The following QTMAN variants were observed in gnomAD, a reference collection of about 807,000 sequenced individuals.
QTMAN encodes queuosine-tRNA mannosyltransferase.
the QTMAN span, among the ~76,000 whole-genome samples, chr2:144,018,529 T>C: frequency 5.1e-4 from 77 of 152,308 alleles, no homozygotes; most frequent in African/African-American, 1.5e-3. Flanking sequence ...TCTACTTACT[T>C]CAGCTTTTCT....
At chr2:144,007,414 A>G in the QTMAN span, 5 of 1,613,244 alleles carry the variant, frequency 3.1e-6, no homozygotes, top group Admixed American at 5.0e-5. Flanking sequence ...AAATTCTTCA[A>G]TAAATCCTCT....
the QTMAN span, among the ~76,000 whole-genome samples, chr2:144,059,086 C>T: frequency 6.6e-6 from 1 of 152,230 alleles, no homozygotes; most frequent in Admixed American, 6.5e-5. Context: ...GTGCAGCAAG[C>T]ATAGCCCTCA....
At chr2:144,251,758 C>G in the QTMAN span, among the ~76,000 whole-genome samples, 3 of 152,180 alleles carry the variant, frequency 2.0e-5, no homozygotes, top group Admixed American at 6.5e-5. Flanking sequence ...AACTTCTGCT[C>G]TGTGAAAGAC....
the QTMAN span, among the ~76,000 whole-genome samples, chr2:144,313,958 A>T: frequency 6.6e-6 from 1 of 151,934 alleles, no homozygotes; most frequent in Non-Finnish European, 1.5e-5. Flanking sequence ...GGGTATAACC[A>T]TTTAGGAAAA....
the QTMAN span, among the ~76,000 whole-genome samples, chr2:144,035,385 T>C: frequency 1.7e-3 from 265 of 152,302 alleles, 1 homozygote; most frequent in Non-Finnish European, 3.1e-3. Context: ...AGAGCAACCT[T>C]CAACAGAAAT....
chr2:144,149,030 T>C, the QTMAN span, among the ~76,000 whole-genome samples: 1 of 151,902 alleles, frequency 6.6e-6, no homozygotes, highest in Admixed American at 6.6e-5. Flanking sequence ...GTAATGAATA[T>C]GCCCACAAAA....
the QTMAN span, among the ~76,000 whole-genome samples, chr2:144,111,937 C>T: frequency 9.9e-5 from 15 of 152,282 alleles, no homozygotes; most frequent in South Asian, 2.9e-3. Context: ...ATATTCATCA[C>T]TAAGGAGTGA....
chr2:144,031,421 G>C, the QTMAN span, among the ~76,000 whole-genome samples: 1 of 152,058 alleles, frequency 6.6e-6, no homozygotes, highest in Non-Finnish European at 1.5e-5. Flanking sequence ...ACTCGAACAA[G>C]AAAAAGTACA....
At chr2:144,260,071 T>C in the QTMAN span, among the ~76,000 whole-genome samples, 1 of 152,298 alleles carries the variant, frequency 6.6e-6, no homozygotes, top group South Asian at 2.1e-4. Context: ...ACTGATGAGA[T>C]AATATGTAGT....
chr2:143,988,279 T>C, the QTMAN span, among the ~76,000 whole-genome samples: 1 of 152,172 alleles, frequency 6.6e-6, no homozygotes, highest in Non-Finnish European at 1.5e-5. Context: ...GTCCCTGCAG[T>C]GCACACTGGC....
chr2:144,129,806 T>G, the QTMAN span, among the ~76,000 whole-genome samples: 6 of 151,994 alleles, frequency 3.9e-5, no homozygotes, highest in Non-Finnish European at 5.9e-5. Flanking sequence ...TGTTTTAAAG[T>G]ACCACATTTA....
At chr2:144,165,604 C>A in the QTMAN span, among the ~76,000 whole-genome samples, 1 of 152,140 alleles carries the variant, frequency 6.6e-6, no homozygotes, top group African/African-American at 2.4e-5. Flanking sequence ...TCTCACCCAA[C>A]CTTCAGACAT....
chr2:144,261,008 C>A, the QTMAN span, among the ~76,000 whole-genome samples: 1 of 152,074 alleles, frequency 6.6e-6, no homozygotes, highest in East Asian at 1.9e-4. Context: ...GAAAAAGGAA[C>A]CATACTTCCC....
chr2:144,191,228 A>C, the QTMAN span, among the ~76,000 whole-genome samples: 1 of 152,236 alleles, frequency 6.6e-6, no homozygotes, highest in African/African-American at 2.4e-5. Flanking sequence ...CTTGAAAAAG[A>C]ATCCAAACGA....
chr2:144,138,572 G>A, the QTMAN span, among the ~76,000 whole-genome samples: 1 of 152,154 alleles, frequency 6.6e-6, no homozygotes, highest in Admixed American at 6.6e-5. Context: ...TGAGTATGTG[G>A]GATGGATGAG....
chr2:143,993,401 A>T, the QTMAN span, among the ~76,000 whole-genome samples: 3 of 151,884 alleles, frequency 2.0e-5, no homozygotes, highest in South Asian at 2.1e-4. Flanking sequence ...ATTACATGGC[A>T]AGCAAAAAAA....
the QTMAN span, among the ~76,000 whole-genome samples, chr2:144,074,674 A>G: frequency 6.6e-6 from 1 of 152,352 alleles, no homozygotes; most frequent in South Asian, 2.1e-4. Flanking sequence ...CTAAGGCCGT[A>G]AAAGGTTAAA....
chr2:144,038,824 TTTAAG>T, the QTMAN span, among the ~76,000 whole-genome samples: 4 of 152,184 alleles, frequency 2.6e-5, no homozygotes, highest in African/African-American at 4.8e-5. Context: ...GCATGTGGAT[TTTAAG>T]TTATTTTATG....
chr2:144,107,146 A>G, the QTMAN span, among the ~76,000 whole-genome samples: 1 of 152,242 alleles, frequency 6.6e-6, no homozygotes, highest in East Asian at 1.9e-4. Context: ...TGCCCACAAG[A>G]GAAAGCAGGA....
Sources: allele counts gnomAD v4.1 joint callset (sites outside exome capture counted in the v4.1 genomes callset), GRCh38; gene constraint gnomAD v4.1.1; transcripts MANE v1.5; gene names NCBI Gene and HGNC (gene_info 2026-07-23, HGNC 2026-07-21).